Variants in AJAP1 observed in about 807,000 individuals in gnomAD.
The protein encoded by AJAP1 is adherens junctions associated protein 1, also known as adherens junction-associated protein 1.
In AJAP1, 5 loss-of-function variants were observed where a neutral mutation model predicts 35.0. The ratio of observed to expected loss-of-function variants is 0.14; its 90% CI spans 0.07 to 0.30. The LOEUF (loss-of-function observed/expected upper bound fraction) is 0.30. Ranked by LOEUF, AJAP1 falls within the 10% of genes least tolerant of loss-of-function variation. The pLI is 1.00. For synonymous variants in AJAP1, 284 were observed against 249.3 expected (o/e 1.14, Z -1.31); for missense variants, 586 against 571.0 (o/e 1.03, Z -0.27).
At chr1:4,716,381 C>A (rs1184371871) in intron 2 of AJAP1, among the ~76,000 whole-genome samples, 1 of 152,182 alleles carries the variant, frequency 6.6e-6, no homozygotes, top group East Asian at 1.9e-4. Flanking sequence ...ATAGAGTTAA[C>A]CATCTCATAA....
At chr1:4,657,692 G>A (rs552117335) in intron 1 of AJAP1, among the ~76,000 whole-genome samples, 1 of 134,098 alleles carries the variant, frequency 7.5e-6, no homozygotes, top group Admixed American at 7.6e-5. Flanking sequence ...TGGGAGAGGT[G>A]CAGTGTAACT....
At chr1:4,752,892 A>C (rs1641349936) in intron 2 of AJAP1, among the ~76,000 whole-genome samples, 2 of 152,216 alleles carry the variant, frequency 1.3e-5, no homozygotes. Context: ...GAGCCCCCAA[A>C]GACACAACCT....
In AJAP1 at chr1:4,661,065, G is replaced by T. The variant is rs145443226; in HGVS notation, c.29+5611G>T. 4.2e-4 allele frequency among the ~76,000 whole-genome samples: 64 copies of T among 152,300 alleles called. 1 individual carries two copies. The highest frequency in any genetic ancestry group is 1.5e-3 in the African/African-American group (62 of 41,578). ...GAAACATGAGCCTCAAGCTTGAGAAGGCAGACACTGGTTTGTGGCTTTGCT... is the reference window on the plus strand; with the variant it reads ...GAAACATGAGCCTCAAGCTTGAGAATGCAGACACTGGTTTGTGGCTTTGCT... On this transcript the variant is annotated intron_variant, in intron 1 of 5. Coordinates refer to ENST00000378191, the MANE Select transcript of AJAP1 (RefSeq NM_018836.4).
intron 2 of AJAP1, among the ~76,000 whole-genome samples, chr1:4,717,187 C>T (rs1380733483): frequency 6.6e-6 from 1 of 152,208 alleles, no homozygotes; most frequent in Non-Finnish European, 1.5e-5. Context: ...GTAAAGGAAA[C>T]TTGTGGGGAA....
chr1:4,700,224 C>T (rs1289260712), intron 1 of AJAP1, among the ~76,000 whole-genome samples: 4 of 152,154 alleles, frequency 2.6e-5, no homozygotes, highest in African/African-American at 7.2e-5. Flanking sequence ...TGCCCACCAC[C>T]CACATGCTGT....
At chr1:4,728,411 A>C (rs1036820404) in intron 2 of AJAP1, among the ~76,000 whole-genome samples, 22 of 152,108 alleles carry the variant, frequency 1.4e-4, no homozygotes, top group Admixed American at 6.5e-5. Flanking sequence ...TGAGGAATGC[A>C]CTCACACTGC....
At chr1:4,703,478 T>A (rs1314768868) in intron 1 of AJAP1, among the ~76,000 whole-genome samples, 1 of 152,172 alleles carries the variant, frequency 6.6e-6, no homozygotes, top group East Asian at 1.9e-4. Flanking sequence ...GTCTATCTGC[T>A]TTGGGAGACA....
chr1:4,718,539 C>T (rs1469456254), intron 2 of AJAP1, among the ~76,000 whole-genome samples: 2 of 150,922 alleles, frequency 1.3e-5, no homozygotes, highest in Non-Finnish European at 2.9e-5. Context: ...GGCTGGAGTG[C>T]AGTGGGGCAC....
intron 1 of AJAP1, among the ~76,000 whole-genome samples, chr1:4,663,007 G>T (rs1179442615): frequency 6.6e-6 from 1 of 152,176 alleles, no homozygotes; most frequent in Non-Finnish European, 1.5e-5. Context: ...TGGGCTTCAG[G>T]GGGCTTCCAG....
intron 1 of AJAP1, among the ~76,000 whole-genome samples, chr1:4,672,852 T>G (rs2100518049): frequency 6.6e-6 from 1 of 152,298 alleles, no homozygotes; most frequent in East Asian, 1.9e-4. Context: ...CATCCTCAAT[T>G]ATTCCCAGTG....
chr1:4,730,097 A>G (rs1467523952), intron 2 of AJAP1, among the ~76,000 whole-genome samples: 1 of 152,216 alleles, frequency 6.6e-6, no homozygotes, highest in Non-Finnish European at 1.5e-5. Flanking sequence ...GCGTCCGCAG[A>G]GGGCAGGGGA....
At chr1:4,716,602 A>G (rs1179538309) in intron 2 of AJAP1, among the ~76,000 whole-genome samples, 1 of 151,666 alleles carries the variant, frequency 6.6e-6, no homozygotes, top group Non-Finnish European at 1.5e-5. Flanking sequence ...GTTGATGATG[A>G]TGGTGATAAT....
At chr1:4,778,110 C>G (rs986730293) in intron 5 of AJAP1, among the ~76,000 whole-genome samples, 8 of 152,200 alleles carry the variant, frequency 5.3e-5, no homozygotes, top group Non-Finnish European at 1.2e-4. Context: ...TGCGCCACTG[C>G]GTAGCATGCA....
At chr1:4,702,447 A>G (rs561699563) in intron 1 of AJAP1, among the ~76,000 whole-genome samples, 4 of 152,352 alleles carry the variant, frequency 2.6e-5, no homozygotes, top group Admixed American at 2.0e-4. Flanking sequence ...AAAGGAGGTC[A>G]GTTAGAGAGT....
chr1:4,723,835 G>A lies in AJAP1; in HGVS notation c.829+11136G>A, dbSNP rs940966058. On this transcript the variant is annotated intron_variant, in intron 2 of 5. Coordinates refer to ENST00000378191, the MANE Select transcript of AJAP1 (RefSeq NM_018836.4). This position sits in a 1 kb window ranked among gnomAD's most constrained non-coding sequence, Gnocchi z 4.3. ...TATTCAGGCACGTCTTTCTGCCAAC[G>A]TGAATGACCCAGTAGAGAATGGAAA... 4.0e-5 allele frequency among the ~76,000 whole-genome samples: 6 copies of A among 151,896 alleles called. No homozygotes were observed. The South Asian group carries it at 6.2e-4, about 16-fold the overall frequency.
At position 4,784,160 on chromosome 1, in the gene AJAP1, A is replaced by G. The variant is rs1440877789; in HGVS notation, c.*1675A>G. On this transcript the variant is annotated 3_prime_UTR_variant, in exon 6 of 6. Transcript: ENST00000378191. Reference sequence around the variant, plus strand: ...AGAGAATCCCAACCACACACACTTTATTAAAAATACTGCCATGCCGCCGGG... The same window carrying G: ...AGAGAATCCCAACCACACACACTTTGTTAAAAATACTGCCATGCCGCCGGG... The G allele has an allele frequency of 6.6e-6, 1 of 152,248 alleles. No individual in the cohort carries two copies. The highest frequency in any genetic ancestry group is 1.5e-5 in the Non-Finnish European group (1 of 68,100). 9.4% of individuals were successfully genotyped at this position (152,248 alleles called of 1,614,324 possible).
chr1:4,738,879 CAG>C (rs1445892172), intron 2 of AJAP1, among the ~76,000 whole-genome samples: 1 of 152,040 alleles, frequency 6.6e-6, no homozygotes, highest in Non-Finnish European at 1.5e-5. Flanking sequence ...CAGGAGAACT[CAG>C]AGGAGAGAAC....
intron 1 of AJAP1, among the ~76,000 whole-genome samples, chr1:4,704,696 G>A (rs963626222): frequency 1.3e-5 from 2 of 152,118 alleles, no homozygotes; most frequent in African/African-American, 4.8e-5. Context: ...TGGGTCAAAT[G>A]GTATTTCTAG....
At chr1:4,737,629 C>A (rs1640960347) in intron 2 of AJAP1, among the ~76,000 whole-genome samples, 1 of 152,130 alleles carries the variant, frequency 6.6e-6, no homozygotes, top group Non-Finnish European at 1.5e-5. Context: ...TGCAGTGGTT[C>A]ACAGTTATAA....
Sources: gnomAD v4.1 joint callset for allele counts (sites outside exome capture counted in the v4.1 genomes callset) on GRCh38, gnomAD v4.1.1 for gene constraint, Gnocchi (gnomAD v3.1) non-coding constraint, MANE v1.5 for transcripts, NCBI Gene and HGNC (gene_info 2026-07-23, HGNC 2026-07-21) for gene names.